Variants in FHIT observed in about 807,000 individuals in gnomAD.
FHIT encodes fragile histidine triad diadenosine triphosphatase.
In FHIT, 19 loss-of-function variants were observed where a neutral mutation model predicts 17.9. The ratio of observed to expected loss-of-function variants is 1.06; its 90% confidence interval spans 0.74 to 1.56. The LOEUF is 1.56. Among genes scored for constraint, FHIT ranks in the 40% most tolerant of loss-of-function variants. FHIT has a pLI of 0.00. For synonymous variants in FHIT, 81 were observed against 69.7 expected (o/e 1.16, Z -0.81); for missense variants, 248 against 189.2 (o/e 1.31, Z -1.82).
At chr3:60,336,678 T>A (rs1199688949) in intron 5 of FHIT, among the ~76,000 whole-genome samples, 5 of 152,170 alleles carry the variant, frequency 3.3e-5, no homozygotes, top group East Asian at 3.9e-4. Context: ...CATGACCACA[T>A]GTGGCTACTG....
intron 3 of FHIT, among the ~76,000 whole-genome samples, chr3:60,861,222 T>TATATCATATCATATC (rs1452399482): frequency 1.3e-5 from 1 of 79,596 alleles, no homozygotes; most frequent in Non-Finnish European, 2.7e-5. Flanking sequence ...ATATATATGA[T>TATATCATATCATATC]ATATATGATA....
Position 60,382,709 on chromosome 3 carries a change from G to A in FHIT, c.103+154151C>T, listed in dbSNP as rs116528651. 7.2e-3 allele frequency among the ~76,000 whole-genome samples: 1,096 copies of A among 152,162 alleles called. 17 individuals carry two copies. The highest frequency in any genetic ancestry group is 0.025 in the African/African-American group (1,056 of 41,510). On this transcript the variant is annotated intron_variant, in intron 5 of 9. Coordinates refer to ENST00000492590, the MANE Select transcript of FHIT (RefSeq NM_002012.4). ...CAGAGGTTTTTTTACCCCCACTTAG[G>A]AATTGTTTTTTGGATACTGTGACTC...
At chr3:60,635,864 T>C (rs2039571320) in intron 4 of FHIT, among the ~76,000 whole-genome samples, 2 of 152,162 alleles carry the variant, frequency 1.3e-5, no homozygotes, top group African/African-American at 4.8e-5. Flanking sequence ...GCCACATATA[T>C]ATATAGTCTC....
At chr3:60,410,657 T>C (rs1343234851) in intron 5 of FHIT, among the ~76,000 whole-genome samples, 1 of 152,186 alleles carries the variant, frequency 6.6e-6, no homozygotes, top group African/African-American at 2.4e-5. Context: ...CAAATTTCCA[T>C]ATGTAAGATA....
intron 5 of FHIT, among the ~76,000 whole-genome samples, chr3:60,319,054 T>C (rs955351668): frequency 6.6e-6 from 1 of 152,138 alleles, no homozygotes. Flanking sequence ...ACACTATGAC[T>C]ACCCTGCACC....
intron 5 of FHIT, among the ~76,000 whole-genome samples, chr3:60,307,235 C>CA (rs1708718377): frequency 6.6e-6 from 1 of 152,182 alleles, no homozygotes; most frequent in Non-Finnish European, 1.5e-5. Context: ...ACTTTCTTAA[C>CA]ATCTACAGAG....
intron 5 of FHIT, among the ~76,000 whole-genome samples, chr3:60,366,612 G>A (rs761963310): frequency 7.2e-5 from 11 of 152,128 alleles, no homozygotes; most frequent in Non-Finnish European, 1.3e-4. Flanking sequence ...GTGATGTTGG[G>A]AATGGCTATG....
chr3:61,193,155 A>G (rs1186500669), intron 2 of FHIT, among the ~76,000 whole-genome samples: 1 of 152,200 alleles, frequency 6.6e-6, no homozygotes, highest in Non-Finnish European at 1.5e-5. Context: ...TCCAAAATAA[A>G]GACAATTTGG....
intron 3 of FHIT, among the ~76,000 whole-genome samples, chr3:61,038,646 A>G (rs2107684468): frequency 6.6e-6 from 1 of 152,340 alleles, no homozygotes; most frequent in East Asian, 1.9e-4. Context: ...CATATTTGTT[A>G]CAGCTGCATT....
intron 7 of FHIT, among the ~76,000 whole-genome samples, chr3:59,948,555 T>A (rs928732058): frequency 3.3e-5 from 5 of 151,598 alleles, no homozygotes; most frequent in African/African-American, 1.2e-4. Context: ...AAATAAAAAA[T>A]AAATAAATCA....
chr3:61,162,787 G>A (rs1050251826), intron 2 of FHIT, among the ~76,000 whole-genome samples: 3 of 152,030 alleles, frequency 2.0e-5, no homozygotes, highest in Non-Finnish European at 4.4e-5. Context: ...GTTCTCTGGA[G>A]GTTCAATTAA....
chr3:60,885,732 T>C (rs1388143182), intron 3 of FHIT, among the ~76,000 whole-genome samples: 1 of 152,224 alleles, frequency 6.6e-6, no homozygotes, highest in Non-Finnish European at 1.5e-5. Flanking sequence ...AAGTCTTTTA[T>C]ATTTGTTAAC....
Position 60,488,334 on chromosome 3 carries a change from T to G in FHIT, c.103+48526A>C, listed in dbSNP as rs554936927. ...AGGCCTGGCTCATGTATGCTGTGAT[T>G]TGGTGTTTACCTTCGATTCTGAAGT... On this transcript the variant is annotated intron_variant, in intron 5 of 9. Coordinates refer to ENST00000492590, the MANE Select transcript of FHIT (RefSeq NM_002012.4). 7.9e-5 allele frequency among the ~76,000 whole-genome samples: 12 copies of G among 152,314 alleles called. No homozygotes were observed. In the South Asian group the frequency reaches 2.5e-3, roughly 32 times the overall value.
chr3:60,220,021 C>T (rs543025402), intron 5 of FHIT, among the ~76,000 whole-genome samples: 35 of 151,982 alleles, frequency 2.3e-4, no homozygotes, highest in African/African-American at 6.8e-4. Context: ...CCCCCTGATA[C>T]AAAAGCTTAT....
At chr3:60,742,802 A>G (rs184167003) in intron 4 of FHIT, among the ~76,000 whole-genome samples, 2 of 152,330 alleles carry the variant, frequency 1.3e-5, no homozygotes, top group East Asian at 3.9e-4. Context: ...TGTAGCGCTT[A>G]AGGATATCAA....
chr3:60,177,633 A>G (rs1400089475), intron 5 of FHIT, among the ~76,000 whole-genome samples: 7 of 152,110 alleles, frequency 4.6e-5, no homozygotes, highest in Admixed American at 4.6e-4. Flanking sequence ...ATTGTTTTGC[A>G]CTCTGAGATT....
At chr3:60,747,646 G>A (rs1469850546) in intron 4 of FHIT, among the ~76,000 whole-genome samples, 1 of 152,208 alleles carries the variant, frequency 6.6e-6, no homozygotes, top group Non-Finnish European at 1.5e-5. Flanking sequence ...GGTATTTAGA[G>A]AAGGCAAAGA....
chr3:60,006,060 A>G (rs1418140898), intron 7 of FHIT, among the ~76,000 whole-genome samples: 2 of 152,190 alleles, frequency 1.3e-5, no homozygotes, highest in Admixed American at 6.5e-5. Flanking sequence ...AGCATGGGGC[A>G]GGCAGGCTTC....
At chr3:60,940,950 A>G (rs985147701) in intron 3 of FHIT, among the ~76,000 whole-genome samples, 18 of 152,230 alleles carry the variant, frequency 1.2e-4, no homozygotes, top group Non-Finnish European at 2.4e-4. Context: ...ATATCATAGG[A>G]GCCACATGTC....
Sources: gnomAD v4.1 joint callset for allele counts (sites outside exome capture counted in the v4.1 genomes callset) on GRCh38, gnomAD v4.1.1 for gene constraint, MANE v1.5 for transcripts, NCBI Gene and HGNC (gene_info 2026-07-23, HGNC 2026-07-21) for gene names.